Variants in KNDC1 observed in about 807,000 individuals in gnomAD.
KNDC1 encodes kinase non-catalytic C-lobe domain containing 1.
KNDC1 carries 106 observed loss-of-function variants against 172.8 expected under a neutral mutation model. The ratio of observed to expected loss-of-function variants is 0.61; its 90% CI spans 0.52 to 0.72. The LOEUF is 0.72. Among genes scored for constraint, KNDC1 ranks in the 30% least tolerant of loss-of-function variants. KNDC1 has a pLI of 0.00. For missense variants in KNDC1, 2,325 were observed against 2,394.5 expected (o/e 0.97, Z 0.61); for synonymous variants, 1,083 against 1,062.2 (o/e 1.02, Z -0.38).
chr10:133,162,021 C>T (rs1166544616), intron 1 of KNDC1, among the ~76,000 whole-genome samples: 1 of 152,208 alleles, frequency 6.6e-6, no homozygotes, highest in African/African-American at 2.4e-5. Context: ...TCGGGCCGGC[C>T]GGACAGCTCC....
chr10:133,174,983 G>GAT (rs1853485701), intron 3 of KNDC1, among the ~76,000 whole-genome samples: 1 of 151,772 alleles, frequency 6.6e-6, no homozygotes, highest in South Asian at 2.1e-4. Flanking sequence ...TGAGTGGGTG[G>GAT]ATGGGTGGAT....
intron 26 of KNDC1, among the ~76,000 whole-genome samples, chr10:133,217,773 A>G (rs531527895): frequency 1.3e-3 from 200 of 151,682 alleles, no homozygotes; most frequent in Non-Finnish European, 2.4e-3. Flanking sequence ...CCTGGCCAAT[A>G]TGGTGAAACC....
chr10:133,190,631 T>G (rs1173990933), intron 9 of KNDC1, among the ~76,000 whole-genome samples: 1 of 152,248 alleles, frequency 6.6e-6, no homozygotes, highest in African/African-American at 2.4e-5. Context: ...CGCTTTTTCA[T>G]CTTCTGGGGA....
chr10:133,180,313 CG>C (rs1853678608), intron 3 of KNDC1, among the ~76,000 whole-genome samples: 1 of 152,234 alleles, frequency 6.6e-6, no homozygotes. Flanking sequence ...AGGCAGGCCC[CG>C]TATGGCTCTG....
chr10:133,192,627 G>A (rs578119489), intron 9 of KNDC1, among the ~76,000 whole-genome samples: 7 of 152,224 alleles, frequency 4.6e-5, no homozygotes, highest in African/African-American at 1.7e-4. Flanking sequence ...AAAAGAAAAA[G>A]CTAATGGAAA....
At chr10:133,168,948 G>A (rs1361351834) in intron 3 of KNDC1, among the ~76,000 whole-genome samples, 1 of 152,248 alleles carries the variant, frequency 6.6e-6, no homozygotes, top group Admixed American at 6.5e-5. Flanking sequence ...TGGCCGGCTG[G>A]AGAGGGGCGG....
Position 133,218,879 on chromosome 10 carries a change from T to C in KNDC1, c.4726T>C (p.Tyr1576His), listed in dbSNP as rs749026507. ...ATTTTTGCTGATTGCAAAATCTTGC[T>C]ATGAGCAGAGAAACTTCGCGACAGC... ...SKFLLIAKSC[Y>H]EQRNFATAMQ... is the part of the protein sequence containing the mutation. The change falls in exon 27 of 30, where the codon TAT (tyrosine) becomes CAT (histidine). Residue 1576 changes from tyrosine to histidine, a missense_variant. By Grantham distance (83) the Tyr-to-His change is moderately conservative. Transcript: ENST00000304613. The C allele has an allele frequency of 5.0e-6, 8 of 1,613,864 alleles. 1 individual carries two copies. In the South Asian group the frequency reaches 7.7e-5, roughly 16 times the overall value.
intron 20 of KNDC1, among the ~76,000 whole-genome samples, chr10:133,210,343 G>A (rs1379111241): frequency 1.4e-5 from 2 of 142,900 alleles, no homozygotes; most frequent in East Asian, 4.1e-4. Flanking sequence ...TCCAGCCTGG[G>A]CGACAAGAGC....
chr10:133,200,369 CG>C lies in KNDC1; in HGVS notation c.2904-5del. 6.3e-7 allele frequency: 1 copy of C among 1,582,018 alleles called. No individual in the cohort carries two copies. Among genetic ancestry groups the C allele is most frequent in the Non-Finnish European group, 8.6e-7 (1 of 1,165,248 alleles). On this transcript the variant is annotated splice_polypyrimidine_tract_variant and splice_region_variant and intron_variant, in intron 15 of 29. Transcript: ENST00000304613. ...GGTGGGGACTGACCTGCATTCTCGT[CG>C]TCAGCACGGCCGAGGAGGCTGGGTC... is the stretch of plus-strand genomic sequence containing the variant.
intron 9 of KNDC1, among the ~76,000 whole-genome samples, chr10:133,195,457 C>T (rs1321469302): frequency 1.3e-5 from 2 of 152,172 alleles, no homozygotes; most frequent in African/African-American, 2.4e-5. Flanking sequence ...GGGGAGAGTT[C>T]GACCTGCAGG....
chr10:133,170,149 G>A (rs2135951200), intron 3 of KNDC1, among the ~76,000 whole-genome samples: 1 of 152,340 alleles, frequency 6.6e-6, no homozygotes. Flanking sequence ...CGCTTGTGAG[G>A]GGACTGAGGG....
In KNDC1 at chr10:133,225,045, C is replaced by A; in HGVS notation, c.*155C>A. The A allele has an allele frequency of 1.6e-6, 1 of 640,234 alleles. No homozygotes were observed. Among genetic ancestry groups the A allele is most frequent in the Non-Finnish European group, 2.8e-6 (1 of 358,892 alleles). 39.7% of individuals were successfully genotyped at this position (640,234 alleles called of 1,614,324 possible). A position where few individuals can be genotyped will look rare whatever the true frequency, so the allele number is the denominator to read the frequency against. Reference sequence around the variant, plus strand: ...CCAGGAGGTGGAGGCTCAGGGGACCCCATGGGGACAGGCAGAGCTGGTCTC... The same window carrying A: ...CCAGGAGGTGGAGGCTCAGGGGACCACATGGGGACAGGCAGAGCTGGTCTC... On this transcript the variant is annotated 3_prime_UTR_variant, in exon 30 of 30. Transcript: ENST00000304613.
intron 25 of KNDC1, 96 bp downstream of exon 25, chr10:133,213,823 CTG>C: frequency 6.9e-7 from 1 of 1,443,504 alleles, no homozygotes; most frequent in African/African-American, 1.4e-5. Context: ...CAGGAGATGC[CTG>C]TGTCTCCAGA....
chr10:133,174,834 G>A (rs932199194), intron 3 of KNDC1, among the ~76,000 whole-genome samples: 5 of 151,544 alleles, frequency 3.3e-5, no homozygotes, highest in African/African-American at 7.3e-5. Context: ...GGATGGATGC[G>A]TGGATGAACA....
At chr10:133,218,778 C>A in intron 26 of KNDC1, 53 bp from the exon 27 acceptor site, 1 of 1,586,974 alleles carries the variant, frequency 6.3e-7, no homozygotes, top group South Asian at 1.1e-5. Flanking sequence ...TCAAATATTC[C>A]CTTTGTTCAT....
intron 9 of KNDC1, among the ~76,000 whole-genome samples, chr10:133,193,244 G>A (rs1342306782): frequency 6.6e-6 from 1 of 152,208 alleles, no homozygotes; most frequent in Non-Finnish European, 1.5e-5. Flanking sequence ...AAGGAAACAG[G>A]CTAGGTGCAG....
At chr10:133,221,636 G>A (rs142791397) in intron 29 of KNDC1, among the ~76,000 whole-genome samples, 96 of 152,356 alleles carry the variant, frequency 6.3e-4, no homozygotes, top group Middle Eastern at 6.8e-3. Context: ...AATGCTCAGC[G>A]GACCAGGTGC....
chr10:133,199,942 C>T (rs1014568789), intron 15 of KNDC1, among the ~76,000 whole-genome samples: 3 of 152,110 alleles, frequency 2.0e-5, no homozygotes, highest in Non-Finnish European at 4.4e-5. Context: ...GTGAGGGCCC[C>T]AAGGAGGTGA....
Position 133,160,411 on chromosome 10 carries a change from C to T in KNDC1, c.-57C>T. 6.2e-6 allele frequency: 7 copies of T among 1,134,642 alleles called. No individual in the cohort carries two copies. Among genetic ancestry groups the T allele is most frequent in the Non-Finnish European group, 8.0e-6 (7 of 870,396 alleles). The allele number at this position is 1,134,642 out of a possible 1,614,324, so 70.3% of individuals were successfully genotyped here. A position where few individuals can be genotyped will look rare whatever the true frequency, so the allele number is the denominator to read the frequency against. On this transcript the variant is annotated 5_prime_UTR_variant, in exon 1 of 30. Transcript: ENST00000304613. ...TCCATGGAGCCAGGGCGCGCGTAGC[C>T]GAGCCCAGCCCAGCCCAGCCGGAGG...
Sources: allele counts gnomAD v4.1 joint callset (sites outside exome capture counted in the v4.1 genomes callset), GRCh38; gene constraint gnomAD v4.1.1; transcripts MANE v1.5; gene names NCBI Gene and HGNC (gene_info 2026-07-23, HGNC 2026-07-21).